The following COX4I1 variants were observed in gnomAD, a reference collection of about 807,000 sequenced individuals.
The protein encoded by COX4I1 is cytochrome c oxidase subunit 4 isoform 1, mitochondrial.
A neutral mutation model predicts 21.7 loss-of-function variants in COX4I1; 18 were observed. The observed-to-expected ratio is 0.83, with a 90% CI of 0.57 to 1.23. The LOEUF is 1.23. Ranked by LOEUF, COX4I1 falls within the 50% of genes most tolerant of loss-of-function variation. COX4I1 has a pLI of 0.00. For missense variants in COX4I1, 238 were observed against 220.7 expected, an observed-to-expected ratio of 1.08 and a Z score of -0.50; for synonymous variants, 100 against 81.5, an observed-to-expected ratio of 1.23 and a Z score of -1.23.
rs768199794 is a variant in COX4I1, at chr16:85,806,772, G to A, written c.408G>A (p.Glu136=). 2.5e-6 allele frequency: 4 copies of A among 1,614,208 alleles called. No individual in the cohort carries two copies. The highest frequency in any genetic ancestry group is 3.4e-6 in the Non-Finnish European group (4 of 1,180,038). The change falls in exon 5 of 5, where the codon GAG becomes GAA. Residue 136 remains glutamate, a synonymous_variant. Coordinates refer to ENST00000253452, the MANE Select transcript of COX4I1 (RefSeq NM_001861.6). ...YGPLPQSFDK[E]WVAKQTKRML... is the part of the protein sequence containing the mutation. ...CCCTCCCGCAAAGCTTTGACAAAGAGTGGGTGGCCAAGCAGACCAAGAGGA... is the reference window on the plus strand; with the variant it reads ...CCCTCCCGCAAAGCTTTGACAAAGAATGGGTGGCCAAGCAGACCAAGAGGA...
At chr16:85,800,372 C>T (rs1029047005) in intron 1 of COX4I1, among the ~76,000 whole-genome samples, 3 of 152,352 alleles carry the variant, frequency 2.0e-5, no homozygotes, top group African/African-American at 7.2e-5. Context: ...GGGGGGGTCT[C>T]ATAGGTTTTC....
At position 85,805,047 on chromosome 16, in the gene COX4I1, T is replaced by G. The variant is rs2599091; in HGVS notation, c.184T>G (p.Leu62Val). 6.2e-7 allele frequency: 1 copy of G among 1,614,132 alleles called. No homozygotes were observed. Among genetic ancestry groups the G allele is most frequent in the Non-Finnish European group, 8.5e-7 (1 of 1,180,038 alleles). ...GCACCTGTCTGCCAGCCAGAAGGCA[T>G]TGAAGGAGAAGGAGAAGGCCTCCTG... ...VKHLSASQKA[L>V]KEKEKASWSS... The change falls in exon 3 of 5, where the codon TTG becomes GTG. Residue 62 changes from leucine (L) to valine (V), a missense_variant. Leu to Val is a conservative substitution (Grantham distance 32, BLOSUM62 1). Coordinates refer to ENST00000253452, the MANE Select transcript of COX4I1 (RefSeq NM_001861.6).
intron 2 of COX4I1, among the ~76,000 whole-genome samples, chr16:85,802,826 CT>C (rs1281382238): frequency 3.9e-5 from 6 of 152,332 alleles, no homozygotes; most frequent in African/African-American, 1.4e-4. Flanking sequence ...TGAAGAACCC[CT>C]GAAACCATGA....
intron 2 of COX4I1, 33 bp from the exon 3 acceptor site, chr16:85,804,904 G>T (rs1283437978): frequency 5.1e-6 from 8 of 1,577,048 alleles, no homozygotes; most frequent in East Asian, 2.2e-5. Context: ...AACTTACATG[G>T]ATTTTCAAAG....
Position 85,801,248 on chromosome 16 carries a change from A to T in COX4I1, c.43A>T (p.Ile15Phe). 6.2e-7 allele frequency: 1 copy of T among 1,610,768 alleles called. No individual in the cohort carries two copies. The highest frequency in any genetic ancestry group is 8.5e-7 in the Non-Finnish European group (1 of 1,177,186). The change falls in exon 2 of 5, where the codon ATT (isoleucine) becomes TTT (phenylalanine). Residue 15 changes from isoleucine to phenylalanine, a missense_variant. Transcript: ENST00000253452. ...ATTTAGCCTAGTTGGCAAGCGAGCA[A>T]TTTCCACCTCTGTGTGTGTACGAGC... ...RVFSLVGKRA[I>F]STSVCVRAHE...
In COX4I1 at chr16:85,805,810, G is replaced by T; in HGVS notation, c.319G>T (p.Ala107Ser). The T allele has an allele frequency of 1.9e-6, 3 of 1,614,280 alleles. No homozygotes were observed. The South Asian group carries it at 3.3e-5, about 18-fold the overall frequency. ...SNEWKTVVGG[A>S]MFFIGFTALV... Reference sequence around the variant, plus strand: ...CGAGTGGAAGACGGTTGTGGGCGGTGCCATGTTCTTCATCGGTTTCACCGC... The same window carrying T: ...CGAGTGGAAGACGGTTGTGGGCGGTTCCATGTTCTTCATCGGTTTCACCGC... The change falls in exon 4 of 5, where the codon GCC becomes TCC. Residue 107 changes from alanine (A) to serine (S), a missense_variant. By Grantham distance (99) the Ala-to-Ser change is moderately conservative. Transcript: ENST00000253452.
chr16:85,802,540 A>G (rs1905848890), intron 2 of COX4I1, among the ~76,000 whole-genome samples: 1 of 13,060 alleles, frequency 7.7e-5, no homozygotes, highest in African/African-American at 1.3e-4. Context: ...ATAATACATG[A>G]ATGTGTTCTC....
At chr16:85,806,183 A>G (rs2152084504) in intron 4 of COX4I1, 1 of 584,306 alleles carries the variant, frequency 1.7e-6, no homozygotes, top group East Asian at 2.8e-5. Context: ...GACTTCGTGA[A>G]GGTTCGAGCA....
chr16:85,800,690 C>T (rs1905651702), intron 1 of COX4I1, among the ~76,000 whole-genome samples: 2 of 152,250 alleles, frequency 1.3e-5, no homozygotes, highest in East Asian at 1.9e-4. Context: ...GTGGTGCGGT[C>T]TCGGCTCACT....
chr16:85,801,367 G>C lies in COX4I1; in HGVS notation c.73+89G>C, dbSNP rs1447784425. The C allele has an allele frequency of 5.1e-6, 6 of 1,184,542 alleles. No individual in the cohort carries two copies. In the Admixed American group the frequency reaches 1.1e-4, roughly 22 times the overall value. 73.4% of individuals were successfully genotyped at this position (1,184,542 alleles called of 1,614,324 possible). A position where few individuals can be genotyped will look rare whatever the true frequency, so the allele number is the denominator to read the frequency against. ...TAAAGCCCTGTGCTGGAGTTTTAAA[G>C]ACCTTAATTCGGCTCTTGAGGGTCT... On this transcript the variant is annotated intron_variant, in intron 2 of 4. Transcript: ENST00000253452.
chr16:85,801,293 T>C lies in COX4I1; in HGVS notation c.73+15T>C. On this transcript the variant is annotated intron_variant, in intron 2 of 4. Coordinates refer to ENST00000253452, the MANE Select transcript of COX4I1 (RefSeq NM_001861.6). ...ACGAGCTCATGGTAAGTGTGACTTT[T>C]CTTACTTTTAAATAGGCTGAACTAA... 1 of 1,601,308 alleles carries C rather than the reference T, an allele frequency of 6.2e-7. No individual in the cohort carries two copies. Among genetic ancestry groups the C allele is most frequent in the Non-Finnish European group, 8.6e-7 (1 of 1,169,204 alleles).
chr16:85,801,064 C>T (rs1905702465), intron 1 of COX4I1, 141 bp from the exon 2 acceptor site: 1 of 614,116 alleles, frequency 1.6e-6, no homozygotes, highest in Admixed American at 2.6e-5. Flanking sequence ...TTTGTGAATT[C>T]AGAGACAGTG....
At chr16:85,805,711 T>C (rs1484027426) in intron 3 of COX4I1, 22 bp from the exon 4 acceptor site, 1 of 1,613,132 alleles carries the variant, frequency 6.2e-7, no homozygotes, top group East Asian at 2.2e-5. Flanking sequence ...TGCCTGTAAA[T>C]GGCTGTCCTC....
intron 4 of COX4I1, 125 bp from the exon 5 acceptor site, chr16:85,806,610 GTGT>G: frequency 7.5e-7 from 1 of 1,324,998 alleles, no homozygotes; most frequent in Non-Finnish European, 1.1e-6. Context: ...GTTTGAGCGG[GTGT>G]TGAGTGGCAG....
intron 4 of COX4I1, chr16:85,806,310 C>A: frequency 1.6e-6 from 1 of 610,920 alleles, no homozygotes; most frequent in Non-Finnish European, 2.9e-6. Context: ...TGCCGGGTTG[C>A]TCGCTCGTGG....
rs142400268 is a variant in COX4I1 at position 85,805,103 on chromosome 16, G to C, written c.240G>C (p.Glu80Asp). The part of the protein sequence containing the change: ...WSSLSMDEKV[E>D]LYRIKFKESF... ...GCCTCTCCATGGATGAGAAAGTCGA[G>C]TGTGGGTATTGAAGGGACCCACAGG... Residue 80 changes from glutamate (E) to aspartate (D), a missense_variant and splice_region_variant, in exon 3 of 5, where the codon GAG (glutamate) becomes GAC (aspartate). Physicochemically the swap from Glu to Asp is conservative, Grantham distance 45. Transcript: ENST00000253452. 5.0e-4 allele frequency: 808 copies of C among 1,611,578 alleles called. No individual in the cohort carries two copies. The highest frequency in any genetic ancestry group is 6.2e-4 in the Non-Finnish European group (730 of 1,179,130).
chr16:85,806,684 C>T lies in COX4I1; in HGVS notation c.374-54C>T, dbSNP rs1462349284. On this transcript the variant is annotated intron_variant, in intron 4 of 4. Transcript: ENST00000253452. ...GGATTTAACCTGTGTGAGGGATTGGCCTAGAAACAACCTGTTGAGATAGTC... is the reference window on the plus strand; with the variant it reads ...GGATTTAACCTGTGTGAGGGATTGGTCTAGAAACAACCTGTTGAGATAGTC... The T allele has an allele frequency of 2.5e-6, 4 of 1,613,610 alleles. No homozygotes were observed. In the African/African-American group the frequency reaches 5.3e-5, roughly 22 times the overall value.
chr16:85,806,034 C>A (rs1042177359), intron 4 of COX4I1, 170 bp downstream of exon 4: 3 of 898,846 alleles, frequency 3.3e-6, no homozygotes, highest in Non-Finnish European at 5.0e-6. Context: ...GAACTGAAGT[C>A]GTGGGAGGTT....
At chr16:85,806,452 C>T in intron 4 of COX4I1, 1 of 703,386 alleles carries the variant, frequency 1.4e-6, no homozygotes, top group South Asian at 1.5e-5. Flanking sequence ...ATTTGATCTT[C>T]CAGGTCACCT....
Sources: allele counts gnomAD v4.1 joint callset (sites outside exome capture counted in the v4.1 genomes callset), GRCh38; gene constraint gnomAD v4.1.1; transcripts MANE v1.5; gene names NCBI Gene and HGNC (gene_info 2026-07-23, HGNC 2026-07-21).